The following TEX10 variants were observed in gnomAD, a reference collection of about 807,000 sequenced individuals.
TEX10 encodes the protein testis-expressed protein 10.
TEX10 carries 24 observed loss-of-function variants against 104.4 expected under a neutral mutation model. The observed-to-expected ratio is 0.23, with a 90% CI of 0.17 to 0.32. The LOEUF (loss-of-function observed/expected upper bound fraction) is 0.32. Ranked by LOEUF, TEX10 falls within the 10% of genes least tolerant of loss-of-function variation. The pLI is 1.00. For synonymous variants in TEX10, 396 were observed against 393.4 expected (o/e 1.01, Z -0.08); for missense variants, 921 against 1,083.9 (o/e 0.85, Z 2.11).
intron 13 of TEX10, chr9:100,306,456 G>A (rs1235245263): frequency 6.6e-6 from 1 of 152,094 alleles, no homozygotes; most frequent in Non-Finnish European, 1.5e-5. Context: ...AAACTAAGAG[G>A]GCTCAGACTA....
At chr9:100,329,790 A>G (rs975270501) in intron 6 of TEX10, 141 bp downstream of exon 6, 22 of 739,436 alleles carry the variant, frequency 3.0e-5, no homozygotes, top group Non-Finnish European at 4.7e-5. Context: ...GTGTTCAAGT[A>G]GACAGTAGCT....
chr9:100,339,342 T>C lies in TEX10; in HGVS notation c.1250+915A>G, dbSNP rs1195384947. ...TTTATATATATTTATATATTATATA[T>C]AATATACATTTTTATATATTTATAT... On this transcript the variant is annotated intron_variant, in intron 5 of 14. Coordinates refer to ENST00000374902, the MANE Select transcript of TEX10 (RefSeq NM_017746.4). Among the ~76,000 whole-genome samples, 457 of 121,466 alleles carry C rather than the reference T, an allele frequency of 3.8e-3. 2 individuals carry two copies. Among genetic ancestry groups the C allele is most frequent in the African/African-American group, 0.015 (436 of 29,320 alleles). 79.7% of individuals were successfully genotyped at this position (121,466 alleles called of 152,430 possible). A position where few individuals can be genotyped will look rare whatever the true frequency, so the allele number is the denominator to read the frequency against.
chr9:100,311,173 G>A (rs1287933387), intron 11 of TEX10, among the ~76,000 whole-genome samples: 1 of 151,990 alleles, frequency 6.6e-6, no homozygotes, highest in Non-Finnish European at 1.5e-5. Context: ...AAGGTGGGAG[G>A]ACTGCTCAAG....
At chr9:100,319,353 C>G in intron 11 of TEX10, among the ~76,000 whole-genome samples, 1 of 152,152 alleles carries the variant, frequency 6.6e-6, no homozygotes, top group East Asian at 1.9e-4. Context: ...TATTAAATAT[C>G]TCTAAGATTT....
intron 12 of TEX10, 136 bp downstream of exon 12, chr9:100,310,163 T>G: frequency 1.4e-6 from 1 of 698,234 alleles, no homozygotes; most frequent in Non-Finnish European, 2.4e-6. Flanking sequence ...TTCTTGCCAA[T>G]GCATCATGCT....
intron 1 of TEX10, 120 bp downstream of exon 1, chr9:100,352,652 G>A: frequency 4.2e-6 from 6 of 1,432,726 alleles, no homozygotes; most frequent in Non-Finnish European, 5.5e-6. Context: ...CAGACCCGGG[G>A]GACGCAAATC....
chr9:100,302,396 G>T, intron 14 of TEX10, 92 bp from the exon 15 acceptor site: 1 of 831,862 alleles, frequency 1.2e-6, no homozygotes, highest in East Asian at 2.5e-5. Flanking sequence ...ATTTCCCAGA[G>T]CTTTGGCAAC....
chr9:100,337,408 C>T (rs934056743), intron 5 of TEX10, among the ~76,000 whole-genome samples: 1 of 152,142 alleles, frequency 6.6e-6, no homozygotes, highest in Non-Finnish European at 1.5e-5. Context: ...ACATGGAATG[C>T]CTTATTTGAA....
chr9:100,323,368 T>C (rs1289421760), intron 9 of TEX10, among the ~76,000 whole-genome samples: 2 of 152,192 alleles, frequency 1.3e-5, no homozygotes, highest in African/African-American at 4.8e-5. Flanking sequence ...ATGTTCACCC[T>C]ATTTAAAACC....
intron 14 of TEX10, among the ~76,000 whole-genome samples, chr9:100,302,632 T>C (rs947546273): frequency 6.6e-6 from 1 of 152,204 alleles, no homozygotes; most frequent in African/African-American, 2.4e-5. Context: ...TCATGATCTT[T>C]ACCCCAGTGC....
chr9:100,348,637 G>A (rs1463606573), intron 2 of TEX10, among the ~76,000 whole-genome samples: 1 of 152,196 alleles, frequency 6.6e-6, no homozygotes, highest in Non-Finnish European at 1.5e-5. Flanking sequence ...GATACAGCCA[G>A]GTGCCGTGGT....
intron 5 of TEX10, among the ~76,000 whole-genome samples, chr9:100,333,656 A>AAAC (rs1491320380): frequency 6.9e-6 from 1 of 145,498 alleles, no homozygotes; most frequent in Non-Finnish European, 1.5e-5. Context: ...AAAAAAAAAA[A>AAAC]CCACAACAAA....
chr9:100,351,868 CA>C (rs1379215823), intron 1 of TEX10, among the ~76,000 whole-genome samples: 1 of 152,260 alleles, frequency 6.6e-6, no homozygotes, highest in East Asian at 1.9e-4. Context: ...CACAGCAAAT[CA>C]AAAAGTCCCA....
intron 2 of TEX10, among the ~76,000 whole-genome samples, chr9:100,347,756 G>A (rs532824541): frequency 3.9e-4 from 60 of 152,022 alleles, no homozygotes; most frequent in Admixed American, 1.2e-3. Flanking sequence ...TTGACAGGCC[G>A]TTTCTGCCTG....
intron 5 of TEX10, among the ~76,000 whole-genome samples, chr9:100,336,923 T>G (rs1835025368): frequency 6.6e-6 from 1 of 152,232 alleles, no homozygotes; most frequent in South Asian, 2.1e-4. Flanking sequence ...TAGGTCACAC[T>G]GGCAATCCAT....
intron 11 of TEX10, among the ~76,000 whole-genome samples, chr9:100,313,336 G>A (rs186471214): frequency 3.0e-4 from 46 of 151,818 alleles, no homozygotes; most frequent in African/African-American, 1.1e-3. Context: ...TCAACATGGT[G>A]AAACCCTGTC....
At chr9:100,337,574 T>A (rs534841702) in intron 5 of TEX10, among the ~76,000 whole-genome samples, 1 of 152,282 alleles carries the variant, frequency 6.6e-6, no homozygotes, top group Middle Eastern at 3.4e-3. Context: ...TTTGATTCTG[T>A]CCCCTCAACT....
chr9:100,307,978 A>G (rs1834182759), intron 13 of TEX10: 1 of 152,174 alleles, frequency 6.6e-6, no homozygotes, highest in South Asian at 2.1e-4. Context: ...ACAAGCATAA[A>G]ATACTTTTTA....
At chr9:100,313,519 A>T (rs1056434407) in intron 11 of TEX10, among the ~76,000 whole-genome samples, 1 of 151,528 alleles carries the variant, frequency 6.6e-6, no homozygotes, top group African/African-American at 2.4e-5. Context: ...TGGTCAAAAA[A>T]AAAAAAAAGA....
Sources: gnomAD v4.1 joint callset for allele counts (sites outside exome capture counted in the v4.1 genomes callset) on GRCh38, gnomAD v4.1.1 for gene constraint, MANE v1.5 for transcripts, NCBI Gene and HGNC (gene_info 2026-07-23, HGNC 2026-07-21) for gene names.